Variants in UBE2R2 observed in about 807,000 individuals in gnomAD.
UBE2R2 encodes the protein ubiquitin-conjugating enzyme E2 R2.
Under a neutral mutation model 27.8 loss-of-function variants are expected in UBE2R2, and 1 was observed. That is an observed-to-expected ratio of 0.04 (90% CI 0.01 to 0.17). The LOEUF is 0.17. UBE2R2 is among the 10% of genes least tolerant of loss of function. The pLI is 1.00. For missense variants in UBE2R2, 100 were observed against 291.0 expected (o/e 0.34, Z 4.78); for synonymous variants, 106 against 113.3 (o/e 0.94, Z 0.41).
At chr9:33,835,153 T>TG (rs1478449835) in intron 1 of UBE2R2, among the ~76,000 whole-genome samples, 1 of 148,978 alleles carries the variant, frequency 6.7e-6, no homozygotes, top group Non-Finnish European at 1.5e-5. Flanking sequence ...AGGTTTTTTT[T>TG]TTTTTTTTTT....
chr9:33,877,983 A>G (rs565228618), intron 1 of UBE2R2, among the ~76,000 whole-genome samples: 2 of 151,576 alleles, frequency 1.3e-5, no homozygotes, highest in African/African-American at 4.9e-5. Context: ...TCTTGAACTC[A>G]TGACCTCAGG....
At chr9:33,853,421 G>C (rs1198983557) in intron 1 of UBE2R2, among the ~76,000 whole-genome samples, 1 of 151,304 alleles carries the variant, frequency 6.6e-6, no homozygotes, top group Non-Finnish European at 1.5e-5. Flanking sequence ...TGAATAGCTG[G>C]GATTATGGCA....
intron 1 of UBE2R2, among the ~76,000 whole-genome samples, chr9:33,859,176 A>G (rs1328962580): frequency 6.6e-6 from 1 of 152,170 alleles, no homozygotes; most frequent in Non-Finnish European, 1.5e-5. Flanking sequence ...GTGGTTTCTG[A>G]GCAGTAATGC....
At chr9:33,908,288 A>G (rs1326865487) in intron 3 of UBE2R2, among the ~76,000 whole-genome samples, 2 of 152,328 alleles carry the variant, frequency 1.3e-5, no homozygotes, top group African/African-American at 4.8e-5. Flanking sequence ...AGTTCCCACC[A>G]GGCTTCTGAT....
At chr9:33,872,008 G>A (rs986280584) in intron 1 of UBE2R2, among the ~76,000 whole-genome samples, 9 of 151,936 alleles carry the variant, frequency 5.9e-5, no homozygotes, top group Admixed American at 3.9e-4. Context: ...CACTGCACCC[G>A]GCCTATTTCC....
intron 1 of UBE2R2, among the ~76,000 whole-genome samples, chr9:33,837,695 G>A (rs1820645469): frequency 6.6e-6 from 1 of 151,886 alleles, no homozygotes; most frequent in East Asian, 1.9e-4. Context: ...ATTGTGCTAG[G>A]ATTACAGAGC....
rs1821923018 is a variant in UBE2R2, at chr9:33,888,995, T to C, written c.264+2028T>C. ...AACAGACTGGTACTGAAATGATATA[T>C]AGTTTTCTTTTTAGAAATAAGCTTT... is the stretch of plus-strand genomic sequence containing the variant. On this transcript the variant is annotated intron_variant, in intron 2 of 4. Coordinates refer to ENST00000263228, the MANE Select transcript of UBE2R2 (RefSeq NM_017811.4). Among the ~76,000 whole-genome samples, 3 of 152,338 alleles carry C rather than the reference T, an allele frequency of 2.0e-5. No homozygotes were observed. The South Asian group carries it at 6.2e-4, about 32-fold the overall frequency.
chr9:33,848,978 C>T (rs187661683), intron 1 of UBE2R2, among the ~76,000 whole-genome samples: 5 of 151,792 alleles, frequency 3.3e-5, no homozygotes, highest in Admixed American at 2.0e-4. Flanking sequence ...CTGTTTAGGC[C>T]GGGTGCCGTG....
At chr9:33,858,644 A>C (rs1821158587) in intron 1 of UBE2R2, among the ~76,000 whole-genome samples, 1 of 150,998 alleles carries the variant, frequency 6.6e-6, no homozygotes, top group African/African-American at 2.4e-5. Flanking sequence ...GAGCTCAAGC[A>C]CTCCACCCAC....
chr9:33,822,740 T>A (rs946820279), intron 1 of UBE2R2, among the ~76,000 whole-genome samples: 10 of 150,958 alleles, frequency 6.6e-5, no homozygotes, highest in South Asian at 2.1e-4. Context: ...ATTTTTTTTT[T>A]AATAAGAGAA....
chr9:33,887,063 T>C (rs752045011), intron 2 of UBE2R2, 96 bp downstream of exon 2: 99 of 953,108 alleles, frequency 1.0e-4, no homozygotes, highest in Non-Finnish European at 1.2e-4. Flanking sequence ...TACTTAGGCT[T>C]TTGTAGCCAT....
At chr9:33,816,468 G>C (rs1825759680), upstream of UBE2R2, among the ~76,000 whole-genome samples, 1 of 152,192 alleles carries the variant, frequency 6.6e-6, no homozygotes, top group Admixed American at 6.5e-5. Context: ...CAATGAGAAG[G>C]GCTAGAGACC....
At chr9:33,824,743 C>T (rs1389622553) in intron 1 of UBE2R2, among the ~76,000 whole-genome samples, 4 of 147,322 alleles carry the variant, frequency 2.7e-5, no homozygotes, top group African/African-American at 1.0e-4. Flanking sequence ...GTGGAGGCTG[C>T]AGTGAGCCTA....
intron 1 of UBE2R2, among the ~76,000 whole-genome samples, chr9:33,836,485 G>A (rs1265695789): frequency 3.3e-5 from 5 of 152,112 alleles, no homozygotes; most frequent in African/African-American, 1.2e-4. Context: ...GCTGGGCTTG[G>A]TGGCTCATGC....
At chr9:33,830,348 G>A (rs1820435740) in intron 1 of UBE2R2, among the ~76,000 whole-genome samples, 1 of 148,392 alleles carries the variant, frequency 6.7e-6, no homozygotes, top group African/African-American at 2.5e-5. Flanking sequence ...GTAGAGACGG[G>A]GTTTCACCAT....
chr9:33,844,411 T>C (rs1820794487), intron 1 of UBE2R2, among the ~76,000 whole-genome samples: 1 of 151,914 alleles, frequency 6.6e-6, no homozygotes, highest in Non-Finnish European at 1.5e-5. Context: ...ACCATGTTGG[T>C]CAGGCTGGTC....
intron 1 of UBE2R2, among the ~76,000 whole-genome samples, chr9:33,832,144 A>T (rs1820503072): frequency 6.7e-6 from 1 of 149,548 alleles, no homozygotes. Context: ...CCCCGTCTCT[A>T]CTAAAAATAC....
chr9:33,825,265 A>C (rs911945205), intron 1 of UBE2R2, among the ~76,000 whole-genome samples: 7 of 78,316 alleles, frequency 8.9e-5, no homozygotes, highest in Non-Finnish European at 1.4e-4. Context: ...TTTTTTTTTG[A>C]GACAGAGTCT....
chr9:33,915,240 A>G (rs776490113), intron 4 of UBE2R2, among the ~76,000 whole-genome samples: 3 of 152,176 alleles, frequency 2.0e-5, no homozygotes, highest in African/African-American at 7.2e-5. Context: ...CTGTAAAGCA[A>G]TAGGTCTTTG....
Sources: gnomAD v4.1 joint callset for allele counts (sites outside exome capture counted in the v4.1 genomes callset) on GRCh38, gnomAD v4.1.1 for gene constraint, MANE v1.5 for transcripts, NCBI Gene and HGNC (gene_info 2026-07-23, HGNC 2026-07-21) for gene names.